CNTN5: variants seen among roughly 807,000 people sequenced by gnomAD.
The protein encoded by CNTN5 is contactin-5.
In CNTN5, 77 loss-of-function variants were observed where a neutral mutation model predicts 129.1. The ratio of observed to expected loss-of-function variants is 0.60; its 90% CI spans 0.50 to 0.72. The LOEUF (loss-of-function observed/expected upper bound fraction) is 0.72. Among genes scored for constraint, CNTN5 ranks in the 30% least tolerant of loss-of-function variants. The probability of loss-of-function intolerance (pLI) is 0.00; values close to 1 mark genes in which losing one functional copy is unlikely to be tolerated. For missense variants in CNTN5, 1,478 were observed against 1,328.8 expected, an observed-to-expected ratio of 1.11 and a Z score of -1.75; for synonymous variants, 509 against 465.6, an observed-to-expected ratio of 1.09 and a Z score of -1.20.
chr11:99,229,198 T>C (rs1025220799), intron 1 of CNTN5, among the ~76,000 whole-genome samples: 3 of 152,052 alleles, frequency 2.0e-5, no homozygotes, highest in African/African-American at 7.2e-5. Flanking sequence ...ATAAAAATTT[T>C]TCATAATTTA....
chr11:99,039,123 TA>T (rs1863879680), intron 1 of CNTN5, among the ~76,000 whole-genome samples: 1 of 152,098 alleles, frequency 6.6e-6, no homozygotes, highest in South Asian at 2.1e-4. Context: ...GAATTAAGAA[TA>T]GAGTCCATTA....
chr11:100,071,604 A>G, intron 11 of CNTN5, 101 bp from the exon 12 acceptor site: 1 of 781,354 alleles, frequency 1.3e-6, no homozygotes, highest in Non-Finnish European at 1.9e-6. Context: ...GTTTAACTGT[A>G]TTAATTGCAA....
intron 3 of CNTN5, among the ~76,000 whole-genome samples, chr11:99,596,584 T>C (rs545128650): frequency 2.0e-5 from 3 of 152,342 alleles, no homozygotes; most frequent in African/African-American, 7.2e-5. Flanking sequence ...TGTTTTCTTA[T>C]ATGTCTTTGC....
intron 13 of CNTN5, among the ~76,000 whole-genome samples, chr11:100,156,813 G>C (rs1947259381): frequency 6.6e-6 from 1 of 152,042 alleles, no homozygotes; most frequent in African/African-American, 2.4e-5. Flanking sequence ...TCTGATGGTA[G>C]TTTGTGTTTC....
At chr11:99,717,966 G>T (rs78397031) in intron 3 of CNTN5, among the ~76,000 whole-genome samples, 1 of 151,942 alleles carries the variant, frequency 6.6e-6, no homozygotes, top group African/African-American at 2.4e-5. Context: ...TTACCACTTC[G>T]TCCTGCAGGC....
chr11:99,543,695 A>G (rs1389481122), intron 2 of CNTN5, among the ~76,000 whole-genome samples: 1 of 152,122 alleles, frequency 6.6e-6, no homozygotes, highest in African/African-American at 2.4e-5. Flanking sequence ...AGGTGGGTGG[A>G]TCACCTGAGG....
chr11:99,554,377 A>G (rs1948599598), intron 2 of CNTN5, among the ~76,000 whole-genome samples: 1 of 152,076 alleles, frequency 6.6e-6, no homozygotes, highest in East Asian at 1.9e-4. Flanking sequence ...ATCCTTTGCT[A>G]CTGTGTCCAG....
At chr11:99,733,066 C>A (rs1332426726) in intron 3 of CNTN5, among the ~76,000 whole-genome samples, 2 of 152,048 alleles carry the variant, frequency 1.3e-5, no homozygotes, top group Admixed American at 1.3e-4. Context: ...TGGCTCACGC[C>A]TGTCATCCCT....
chr11:99,988,326 T>A (rs1938827643), intron 8 of CNTN5, among the ~76,000 whole-genome samples: 1 of 152,216 alleles, frequency 6.6e-6, no homozygotes, highest in African/African-American at 2.4e-5. Context: ...TGCCCAGAGT[T>A]ATGCAACCAG....
At chr11:100,246,960 G>T (rs1279689570) in intron 16 of CNTN5, among the ~76,000 whole-genome samples, 1 of 152,118 alleles carries the variant, frequency 6.6e-6, no homozygotes, top group Non-Finnish European at 1.5e-5. Context: ...TAGCCTTCTT[G>T]TACCTAAAAT....
chr11:99,512,591 C>T (rs1180531108), intron 2 of CNTN5, among the ~76,000 whole-genome samples: 2 of 152,172 alleles, frequency 1.3e-5, no homozygotes, highest in Non-Finnish European at 2.9e-5. Flanking sequence ...ATTTTTTCAA[C>T]ATCATGTGCT....
intron 1 of CNTN5, among the ~76,000 whole-genome samples, chr11:99,105,825 A>G (rs1393337768): frequency 1.3e-5 from 2 of 152,186 alleles, no homozygotes; most frequent in Non-Finnish European, 2.9e-5. Context: ...ATGAGACAAG[A>G]CAGTAATCTG....
chr11:100,141,384 C>G lies in CNTN5; in HGVS notation c.1581-49742C>G, dbSNP rs1025652837. On this transcript the variant is annotated intron_variant, in intron 13 of 24. Coordinates refer to ENST00000524871, the MANE Select transcript of CNTN5 (RefSeq NM_014361.4). ...GGTGGGGTGCCCTTTGAGGAACACA[C>G]GAACAGTTGGGACTTCCTAACTTCT... Among the ~76,000 whole-genome samples the G allele has an allele frequency of 2.0e-5, 3 of 152,024 alleles. No individual in the cohort carries two copies. In the East Asian group the frequency reaches 5.8e-4, roughly 29 times the overall value.
At chr11:99,230,743 C>T (rs1006286906) in intron 1 of CNTN5, among the ~76,000 whole-genome samples, 5 of 152,192 alleles carry the variant, frequency 3.3e-5, no homozygotes, top group Middle Eastern at 3.4e-3. Flanking sequence ...TGGTTTACTG[C>T]ACCTATCAAA....
At chr11:100,189,731 T>C (rs2138496176) in intron 13 of CNTN5, among the ~76,000 whole-genome samples, 1 of 152,262 alleles carries the variant, frequency 6.6e-6, no homozygotes, top group South Asian at 2.1e-4. Context: ...ATAGAACTTT[T>C]CATTGACAAT....
chr11:99,669,800 C>G (rs943953305), intron 3 of CNTN5, among the ~76,000 whole-genome samples: 2 of 152,100 alleles, frequency 1.3e-5, no homozygotes, highest in African/African-American at 4.8e-5. Context: ...AGTATTTAAG[C>G]TACTCCTAGA....
chr11:100,204,096 C>T (rs934167321), intron 15 of CNTN5, among the ~76,000 whole-genome samples: 5 of 150,828 alleles, frequency 3.3e-5, no homozygotes, highest in African/African-American at 7.3e-5. Context: ...TAAACATTTG[C>T]TCAGTTTTTT....
At chr11:99,388,605 ACTG>A in intron 2 of CNTN5, among the ~76,000 whole-genome samples, 1 of 152,254 alleles carries the variant, frequency 6.6e-6, no homozygotes, top group Non-Finnish European at 1.5e-5. Context: ...TTGAAATCAG[ACTG>A]CTATCTTAAT....
chr11:99,364,310 T>C (rs1939311288), intron 2 of CNTN5, among the ~76,000 whole-genome samples: 1 of 152,128 alleles, frequency 6.6e-6, no homozygotes, highest in Non-Finnish European at 1.5e-5. Flanking sequence ...TACATTCATA[T>C]TTTCACTCAA....
Sources: allele counts gnomAD v4.1 joint callset (sites outside exome capture counted in the v4.1 genomes callset), GRCh38; gene constraint gnomAD v4.1.1; transcripts MANE v1.5; gene names NCBI Gene and HGNC (gene_info 2026-07-23, HGNC 2026-07-21).